Variants in MEF2C observed in about 807,000 individuals in gnomAD.
MEF2C encodes myocyte-specific enhancer factor 2C.
MEF2C carries 6 observed loss-of-function variants against 50.5 expected under a neutral mutation model. That is an observed-to-expected ratio of 0.12 (90% CI 0.07 to 0.23). The LOEUF (loss-of-function observed/expected upper bound fraction) is 0.23, where lower values mean the gene tolerates loss of function less well. Among genes scored for constraint, MEF2C ranks in the 10% least tolerant of loss-of-function variants. MEF2C has a pLI of 1.00. For missense variants in MEF2C, 276 were observed against 605.0 expected (o/e 0.46, Z 5.70); for synonymous variants, 183 against 228.0 (o/e 0.80, Z 1.78).
At chr5:88,892,365 A>C (rs1340168822) in intron 1 of MEF2C, 1 of 152,252 alleles carries the variant, frequency 6.6e-6, no homozygotes, top group Non-Finnish European at 1.5e-5. Context: ...TGCTATCCTC[A>C]AAACTTTGTT....
intron 1 of MEF2C, among the ~76,000 whole-genome samples, chr5:88,900,923 C>G (rs1835590202): frequency 6.6e-6 from 1 of 151,988 alleles, no homozygotes; most frequent in Admixed American, 6.6e-5. Flanking sequence ...AGCTTTAAAG[C>G]TTTCTTCCCA....
chr5:88,835,492 A>C (rs1814710683), intron 1 of MEF2C, among the ~76,000 whole-genome samples: 1 of 152,136 alleles, frequency 6.6e-6, no homozygotes, highest in Non-Finnish European at 1.5e-5. Flanking sequence ...TGAATTATCT[A>C]GTATTTTAAA....
chr5:88,879,892 G>C (rs1006321378), intron 1 of MEF2C, among the ~76,000 whole-genome samples: 1 of 151,946 alleles, frequency 6.6e-6, no homozygotes, highest in African/African-American at 2.4e-5. Context: ...TTTTATCTTT[G>C]ACCTATCAAA....
At chr5:88,818,772 T>C (rs1446268489) in intron 2 of MEF2C, among the ~76,000 whole-genome samples, 1 of 151,964 alleles carries the variant, frequency 6.6e-6, no homozygotes, top group Non-Finnish European at 1.5e-5. Flanking sequence ...GTTCCACTTT[T>C]CCATCCATCT....
At position 88,823,719 on chromosome 5, in the gene MEF2C, A is replaced by T. The variant is rs953851573; in HGVS notation, c.54+16T>A. On this transcript the variant is annotated intron_variant, in intron 2 of 10. Transcript: ENST00000504921. ...AATTAATAAATAATGATACAAAAAA[A>T]GTTTACTCCACTCACCTGTCTGTTA... The T allele has an allele frequency of 4.7e-5, 75 of 1,591,658 alleles. No homozygotes were observed. Among genetic ancestry groups the T allele is most frequent in the Non-Finnish European group, 6.1e-5 (71 of 1,167,232 alleles).
chr5:88,799,870 T>TCATACACACACACA (rs70996496), intron 3 of MEF2C, among the ~76,000 whole-genome samples: 11 of 107,526 alleles, frequency 1.0e-4, no homozygotes, highest in African/African-American at 3.5e-4. Context: ...TCTCTCTCTC[T>TCATACACACACACA]CACACACACA....
At chr5:88,726,672 C>T (rs887262613) in intron 10 of MEF2C, among the ~76,000 whole-genome samples, 4 of 152,036 alleles carry the variant, frequency 2.6e-5, no homozygotes, top group Non-Finnish European at 5.9e-5. Context: ...TGAAAGGAAC[C>T]GGGAGCTGAA....
chr5:88,726,850 T>C (rs1759042351), intron 10 of MEF2C, among the ~76,000 whole-genome samples: 1 of 152,064 alleles, frequency 6.6e-6, no homozygotes, highest in Admixed American at 6.5e-5. Context: ...TAAATAAATA[T>C]GTGTTTATAT....
chr5:88,785,148 A>G (rs1336590077), intron 3 of MEF2C, among the ~76,000 whole-genome samples: 2 of 152,030 alleles, frequency 1.3e-5, no homozygotes, highest in Non-Finnish European at 2.9e-5. Flanking sequence ...GAACATAACA[A>G]TGCTCAGACT....
At chr5:88,902,028 GTGAAAACTTAACAAATACAATTCTGAAGT>G (rs1292199336) in intron 1 of MEF2C, among the ~76,000 whole-genome samples, 11 of 151,646 alleles carry the variant, frequency 7.3e-5, no homozygotes, top group Non-Finnish European at 1.3e-4. Flanking sequence ...GGTAATGCAT[GTGAAAACTTAACAAATACAATTCTGAAGT>G]TGACATAAGA....
chr5:88,813,836 C>T (rs1804019124), intron 2 of MEF2C, among the ~76,000 whole-genome samples: 1 of 151,686 alleles, frequency 6.6e-6, no homozygotes, highest in African/African-American at 2.4e-5. Flanking sequence ...ATTCGTATAC[C>T]CAGCTAATTC....
chr5:88,800,748 C>T (rs1010541530), intron 3 of MEF2C, among the ~76,000 whole-genome samples: 1 of 152,190 alleles, frequency 6.6e-6, no homozygotes, highest in African/African-American at 2.4e-5. Context: ...TCCCAGTATA[C>T]TTGTCACAGA....
At chr5:88,887,904 A>C (rs1046381596), upstream of MEF2C, among the ~76,000 whole-genome samples, 1 of 152,244 alleles carries the variant, frequency 6.6e-6, no homozygotes, top group Non-Finnish European at 1.5e-5. Context: ...TGTTATTTCA[A>C]GACAAGGTTT....
At position 88,743,689 on chromosome 5, in the gene MEF2C, G is replaced by A. The variant is rs548464169; in HGVS notation, c.637+5381C>T. The A allele has an allele frequency of 2.6e-5, 26 of 985,400 alleles. No individual in the cohort carries two copies. In the African/African-American group the frequency reaches 4.2e-4, roughly 16 times the overall value. 61.0% of individuals were successfully genotyped at this position (985,400 alleles called of 1,614,324 possible). A position where few individuals can be genotyped will look rare whatever the true frequency, so the allele number is the denominator to read the frequency against. ...TCTTGCTAGATGGAGTCTTTCCAGA[G>A]TCTGGAAACCAGATCTCTTATTCAC... On this transcript the variant is annotated intron_variant, in intron 6 of 10. Transcript: ENST00000504921.
intron 1 of MEF2C, among the ~76,000 whole-genome samples, chr5:88,842,741 A>G (rs1211998627): frequency 6.6e-6 from 1 of 152,222 alleles, no homozygotes; most frequent in Non-Finnish European, 1.5e-5. Context: ...ATGTGTAGCT[A>G]GATGTCTGCC....
At chr5:88,838,739 C>T (rs1399395009) in intron 1 of MEF2C, 1 of 984,368 alleles carries the variant, frequency 1.0e-6, no homozygotes, top group Non-Finnish European at 1.2e-6. Context: ...CTTTTTCCTT[C>T]TCGTTATGCT....
chr5:88,812,624 C>T (rs890507277), intron 2 of MEF2C, among the ~76,000 whole-genome samples: 3 of 151,980 alleles, frequency 2.0e-5, no homozygotes, highest in Admixed American at 6.6e-5. Context: ...AGAAGTTCAA[C>T]GATTTTATAA....
At chr5:88,788,019 G>T (rs1333372484) in intron 3 of MEF2C, among the ~76,000 whole-genome samples, 2 of 152,100 alleles carry the variant, frequency 1.3e-5, no homozygotes, top group Non-Finnish European at 2.9e-5. Flanking sequence ...TTCCTGGTTG[G>T]ATTTCTCTGC....
intron 1 of MEF2C, chr5:88,881,050 T>C (rs1832678761): frequency 1.3e-5 from 2 of 152,094 alleles, no homozygotes; most frequent in African/African-American, 4.8e-5. Context: ...ATTCGAATGC[T>C]GTGTGAATTA....
Sources: allele counts gnomAD v4.1 joint callset (sites outside exome capture counted in the v4.1 genomes callset), GRCh38; gene constraint gnomAD v4.1.1; transcripts MANE v1.5; gene names NCBI Gene and HGNC (gene_info 2026-07-23, HGNC 2026-07-21).